The following KDM7A variants were observed in gnomAD, a reference collection of about 807,000 sequenced individuals.
KDM7A encodes lysine-specific demethylase 7A.
A neutral mutation model predicts 114.8 loss-of-function variants in KDM7A; 28 were observed. That is an observed-to-expected ratio of 0.24 (90% CI 0.18 to 0.33). The LOEUF (loss-of-function observed/expected upper bound fraction) is 0.33. Among genes scored for constraint, KDM7A ranks in the 10% least tolerant of loss-of-function variants. The pLI is 1.00. For missense variants in KDM7A, 942 were observed against 1,142.5 expected (o/e 0.82, Z 2.53); for synonymous variants, 423 against 397.8 (o/e 1.06, Z -0.75).
chr7:140,175,378 C>T (rs556688843), intron 1 of KDM7A, among the ~76,000 whole-genome samples: 2 of 152,080 alleles, frequency 1.3e-5, no homozygotes, highest in Non-Finnish European at 2.9e-5. Flanking sequence ...AGGGGGGGAG[C>T]GGAGGCTGTA....
At chr7:140,100,754 T>TGTTTG (rs1554395446) in intron 12 of KDM7A, among the ~76,000 whole-genome samples, 2 of 107,706 alleles carry the variant, frequency 1.9e-5, no homozygotes, top group African/African-American at 7.3e-5. Flanking sequence ...ATATATATTT[T>TGTTTG]TTTGTTTGTT....
At chr7:140,100,707 T>TATAC (rs1554395418) in intron 12 of KDM7A, among the ~76,000 whole-genome samples, 21 of 37,640 alleles carry the variant, frequency 5.6e-4, no homozygotes, top group Non-Finnish European at 9.1e-4. Flanking sequence ...TATATATATA[T>TATAC]ACACATATAT....
In KDM7A at chr7:140,089,480, G is replaced by C. The variant is rs1460648151; in HGVS notation, c.*1614C>G. Reference sequence around the variant, plus strand: ...AGAGAAGGGTAAGTCCTGCTATCTTGCTGAGTAAAAAAAAGACAAATCCAT... The same window carrying C: ...AGAGAAGGGTAAGTCCTGCTATCTTCCTGAGTAAAAAAAAGACAAATCCAT... On this transcript the variant is annotated 3_prime_UTR_variant, in exon 20 of 20. Transcript: ENST00000397560. 1 of 151,948 alleles carries C rather than the reference G, an allele frequency of 6.6e-6. No homozygotes were observed. Among genetic ancestry groups the C allele is most frequent in the East Asian group, 1.9e-4 (1 of 5,188 alleles). The allele number at this position is 151,948 out of a possible 1,614,324, so 9.4% of individuals were successfully genotyped here.
At chr7:140,129,955 C>G (rs1818760060) in intron 3 of KDM7A, among the ~76,000 whole-genome samples, 1 of 152,082 alleles carries the variant, frequency 6.6e-6, no homozygotes, top group Non-Finnish European at 1.5e-5. Flanking sequence ...AGTTGAGTAT[C>G]CCTAATCCAA....
At chr7:140,111,593 A>C (rs1384727849) in intron 10 of KDM7A, among the ~76,000 whole-genome samples, 1 of 152,216 alleles carries the variant, frequency 6.6e-6, no homozygotes, top group East Asian at 1.9e-4. Context: ...TGGGAAATCT[A>C]ATTTGAATAA....
At chr7:140,156,451 T>C (rs1191514243) in intron 1 of KDM7A, among the ~76,000 whole-genome samples, 6 of 152,332 alleles carry the variant, frequency 3.9e-5, no homozygotes, top group African/African-American at 1.2e-4. Flanking sequence ...TGGTTTAAGG[T>C]TGGAGTCCCC....
chr7:140,085,305 A>G lies in KDM7A; in HGVS notation c.*5789T>C, dbSNP rs1367613786. On this transcript the variant is annotated 3_prime_UTR_variant, in exon 20 of 20. Transcript: ENST00000397560. Reference sequence around the variant, plus strand: ...GTCAGGCTAGCAAAACGTTACTACAAAACTAGTAAATACCAGAGCCAACAA... The same window carrying G: ...GTCAGGCTAGCAAAACGTTACTACAGAACTAGTAAATACCAGAGCCAACAA... The G allele has an allele frequency of 6.6e-6, 1 of 152,182 alleles. No homozygotes were observed. 9.4% of individuals were successfully genotyped at this position (152,182 alleles called of 1,614,324 possible).
At chr7:140,134,525 T>C (rs749919525) in intron 2 of KDM7A, among the ~76,000 whole-genome samples, 1 of 152,148 alleles carries the variant, frequency 6.6e-6, no homozygotes. Context: ...ACAGCTCTTG[T>C]GTGTTGTATC....
intron 6 of KDM7A, among the ~76,000 whole-genome samples, chr7:140,125,409 C>G (rs6954043): frequency 0.34 from 52,238 of 151,974 alleles, 9,206 homozygotes; most frequent in Middle Eastern, 0.43. Context: ...CATGTGGCTA[C>G]TGAGCACTTG....
At position 140,091,176 on chromosome 7, in the gene KDM7A, T is replaced by A; in HGVS notation, c.2744A>T (p.Lys915Ile). Reference sequence around the variant, plus strand: ...TTGTTTGGCTGTTGCCATTCCTTTTTTTGGACGTTTACCTATAAAACACCA... The same window carrying A: ...TTGTTTGGCTGTTGCCATTCCTTTTATTGGACGTTTACCTATAAAACACCA... Reference protein sequence around the residue: ...SNQATKGKRPKKGMATAKQRL... With the variant: ...SNQATKGKRPIKGMATAKQRL... Residue 915 changes from lysine to isoleucine, a missense_variant, in exon 20 of 20, where the codon AAA becomes ATA. This residue lies in a region of KDM7A where 512 missense variants were observed against 576.6 expected (regional missense o/e 0.89). Transcript: ENST00000397560. The A allele has an allele frequency of 6.2e-7, 1 of 1,613,342 alleles. No homozygotes were observed. Among genetic ancestry groups the A allele is most frequent in the Non-Finnish European group, 8.5e-7 (1 of 1,179,224 alleles).
chr7:140,127,431 G>T lies in KDM7A; in HGVS notation c.701+11C>A. ...TCAGAATGCTAAACCAAAATACCCA[G>T]AACTACTCACTTTGTATCTGAAAAT... is the stretch of plus-strand genomic sequence containing the variant. On this transcript the variant is annotated intron_variant, in intron 5 of 19. Transcript: ENST00000397560. The T allele has an allele frequency of 6.2e-7, 1 of 1,610,214 alleles. No individual in the cohort carries two copies. Among genetic ancestry groups the T allele is most frequent in the Non-Finnish European group, 8.5e-7 (1 of 1,178,000 alleles).
chr7:140,127,501 G>T lies in KDM7A; in HGVS notation c.642C>A (p.Phe214Leu). 1.2e-6 allele frequency: 2 copies of T among 1,613,352 alleles called. No individual in the cohort carries two copies. Residue 214 changes from phenylalanine to leucine, a missense_variant, in exon 5 of 20, where the codon TTC becomes TTA. Around this residue, in one of 4 missense-constraint regions of KDM7A, gnomAD observed 318 missense variants for 453.1 expected, o/e 0.70. Coordinates refer to ENST00000397560, the MANE Select transcript of KDM7A (RefSeq NM_030647.2). ...ACACTTTTGGTCTGTTAGGATTCAT[G>T]AAGTATTTAACATAATTGTGAAGTG... ...KMTLHNYVKY[F>L]MNPNRPKVLN...
chr7:140,096,599 T>C lies in KDM7A; in HGVS notation c.2330A>G (p.His777Arg). Residue 777 changes from histidine (H) to arginine (R), a missense_variant, in exon 17 of 20, where the codon CAT (histidine) becomes CGT (arginine). This residue lies in a region of KDM7A where 512 missense variants were observed against 576.6 expected (regional missense o/e 0.89). Transcript: ENST00000397560. The part of the protein sequence containing the change: ...QDPSSCHGSN[H>R]EVRQLYRYDK... ...ATAGCGATACAACTGCCTAACCTCA[T>C]GGTTACTGCCATGGCAGCTGCTGGG... 1.9e-6 allele frequency: 3 copies of C among 1,614,200 alleles called. No homozygotes were observed. The highest frequency in any genetic ancestry group is 2.5e-6 in the Non-Finnish European group (3 of 1,180,012).
intron 3 of KDM7A, among the ~76,000 whole-genome samples, chr7:140,131,959 T>C (rs1763187943): frequency 6.6e-6 from 1 of 152,102 alleles, no homozygotes; most frequent in Admixed American, 6.6e-5. Flanking sequence ...CTATGAAACA[T>C]AATAGAGTAA....
chr7:140,114,981 C>A (rs977372168), intron 9 of KDM7A, among the ~76,000 whole-genome samples: 3 of 150,838 alleles, frequency 2.0e-5, no homozygotes, highest in Non-Finnish European at 4.4e-5. Flanking sequence ...CCGGCAGCCG[C>A]CCCATCCGGG....
intron 18 of KDM7A, among the ~76,000 whole-genome samples, chr7:140,092,823 C>G (rs1436158791): frequency 6.6e-6 from 1 of 152,168 alleles, no homozygotes. Flanking sequence ...AATAATAGCT[C>G]AAATTACATA....
chr7:140,154,640 T>C (rs943337174), intron 1 of KDM7A, among the ~76,000 whole-genome samples: 9 of 152,074 alleles, frequency 5.9e-5, no homozygotes, highest in African/African-American at 2.2e-4. Flanking sequence ...CCAGCAATAC[T>C]TCTCAGTGAA....
At chr7:140,127,966 A>C (rs1818732672) in intron 4 of KDM7A, among the ~76,000 whole-genome samples, 1 of 152,186 alleles carries the variant, frequency 6.6e-6, no homozygotes, top group African/African-American at 2.4e-5. Flanking sequence ...GCATAAAATG[A>C]GGAGACTGAC....
At chr7:140,127,049 C>T (rs1445369208) in intron 5 of KDM7A, among the ~76,000 whole-genome samples, 2 of 152,192 alleles carry the variant, frequency 1.3e-5, no homozygotes, top group Non-Finnish European at 2.9e-5. Context: ...AAACTCCATC[C>T]TGCCGGGTTC....
Sources: allele counts gnomAD v4.1 joint callset (sites outside exome capture counted in the v4.1 genomes callset), GRCh38; gene constraint gnomAD v4.1.1; regional missense constraint gnomAD v4.1.1; transcripts MANE v1.5; gene names NCBI Gene and HGNC (gene_info 2026-07-23, HGNC 2026-07-21).